Variants in NEBL observed in about 807,000 individuals in gnomAD.
NEBL encodes the protein nebulette, also known as LIM and SH3 protein 2.
NEBL carries 122 observed loss-of-function variants against 140.2 expected under a neutral mutation model. The observed-to-expected ratio is 0.87, with a 90% CI of 0.75 to 1.01. The LOEUF (loss-of-function observed/expected upper bound fraction) is 1.01, where lower values mean the gene tolerates loss of function less well. NEBL is among the 50% of genes least tolerant of loss of function. The pLI is 0.00. For missense variants in NEBL, 1,365 were observed against 1,231.3 expected (o/e 1.11, Z -1.62); for synonymous variants, 436 against 398.9 (o/e 1.09, Z -1.11).
At chr10:21,203,259 G>A (rs1463408753) in intron 3 of NEBL, among the ~76,000 whole-genome samples, 2 of 152,052 alleles carry the variant, frequency 1.3e-5, no homozygotes, top group Admixed American at 6.6e-5. Context: ...CTCCCAAGAC[G>A]TTCTCTGTAC....
At chr10:20,898,142 G>A (rs1750090344), upstream of NEBL, among the ~76,000 whole-genome samples, 2 of 151,984 alleles carry the variant, frequency 1.3e-5, no homozygotes, top group South Asian at 4.1e-4. Flanking sequence ...ATAATGTAGT[G>A]TATGTCCTTG....
intron 3 of NEBL, among the ~76,000 whole-genome samples, chr10:21,202,816 A>C (rs909519228): frequency 6.6e-6 from 1 of 152,108 alleles, no homozygotes; most frequent in Non-Finnish European, 1.5e-5. Context: ...AAAAATGGAG[A>C]CTAATTTTGC....
chr10:21,112,761 G>GA (rs1301741484), intron 2 of NEBL: 2 of 158,548 alleles, frequency 1.3e-5, no homozygotes, highest in South Asian at 1.9e-4. Context: ...AAAAGAAAAA[G>GA]AAAAAAATTG....
At chr10:21,051,918 T>A (rs544056651) in intron 2 of NEBL, among the ~76,000 whole-genome samples, 60 of 152,182 alleles carry the variant, frequency 3.9e-4, no homozygotes, top group African/African-American at 1.3e-3. Context: ...TGGCCTGTAG[T>A]CCCAGCTACT....
chr10:21,069,334 C>G (rs1368850669), intron 2 of NEBL, among the ~76,000 whole-genome samples: 1 of 152,210 alleles, frequency 6.6e-6, no homozygotes, highest in Non-Finnish European at 1.5e-5. Context: ...ATGGCAGGCA[C>G]ACAATTCTTC....
At chr10:20,983,862 C>T (rs1315666445) in intron 3 of NEBL, among the ~76,000 whole-genome samples, 1 of 152,140 alleles carries the variant, frequency 6.6e-6, no homozygotes, top group African/African-American at 2.4e-5. Flanking sequence ...CTATAATTTA[C>T]ACTTTAGTTA....
intron 7 of NEBL, among the ~76,000 whole-genome samples, chr10:20,865,791 T>C (rs894141111): frequency 1.1e-4 from 17 of 152,210 alleles, no homozygotes; most frequent in African/African-American, 3.9e-4. Context: ...CCTTGTTAAC[T>C]GTAAAACAAT....
chr10:21,160,859 A>AG (rs1840530204), intron 2 of NEBL, among the ~76,000 whole-genome samples: 3 of 106,752 alleles, frequency 2.8e-5, no homozygotes, highest in Non-Finnish European at 5.0e-5. Context: ...ACTTATTTCC[A>AG]GGGGGAAAAA....
At chr10:20,941,501 G>A (rs1834863867) in intron 4 of NEBL, among the ~76,000 whole-genome samples, 1 of 152,104 alleles carries the variant, frequency 6.6e-6, no homozygotes, top group South Asian at 2.1e-4. Context: ...AAAAGTGGAA[G>A]CATTCCCTTT....
intron 13 of NEBL, among the ~76,000 whole-genome samples, chr10:20,840,030 C>T (rs1841264090): frequency 6.6e-6 from 1 of 152,098 alleles, no homozygotes; most frequent in South Asian, 2.1e-4. Flanking sequence ...AAGACATCTC[C>T]TTTGATGCCT....
At chr10:20,941,760 GT>G (rs1589048776) in intron 4 of NEBL, among the ~76,000 whole-genome samples, 1 of 152,162 alleles carries the variant, frequency 6.6e-6, no homozygotes, top group Non-Finnish European at 1.5e-5. Context: ...CAAAATCAAT[GT>G]GCAAAAATCA....
chr10:20,846,398 G>T (rs566638217), intron 11 of NEBL, among the ~76,000 whole-genome samples: 1 of 152,256 alleles, frequency 6.6e-6, no homozygotes, highest in Non-Finnish European at 1.5e-5. Flanking sequence ...AATAAAGAAT[G>T]TCTCTAAACC....
chr10:20,992,858 A>G (rs1467898969), intron 3 of NEBL, among the ~76,000 whole-genome samples: 2 of 131,092 alleles, frequency 1.5e-5, no homozygotes, highest in African/African-American at 6.0e-5. Flanking sequence ...GCTCACTGCA[A>G]GCTCCGCCTC....
At chr10:21,278,770 G>C (rs1426338827) in intron 1 of NEBL, among the ~76,000 whole-genome samples, 2 of 152,212 alleles carry the variant, frequency 1.3e-5, no homozygotes, top group African/African-American at 4.8e-5. Flanking sequence ...GCCCAGAGAA[G>C]TTCGGTGAGA....
intron 4 of NEBL, among the ~76,000 whole-genome samples, chr10:20,960,453 C>A (rs1185397180): frequency 6.6e-6 from 1 of 152,014 alleles, no homozygotes; most frequent in East Asian, 1.9e-4. Context: ...AAATTCAACT[C>A]TTTTTCTTCA....
At chr10:21,157,013 C>A (rs139450033) in intron 2 of NEBL, among the ~76,000 whole-genome samples, 1 of 152,126 alleles carries the variant, frequency 6.6e-6, no homozygotes, top group Admixed American at 6.5e-5. Flanking sequence ...CAAGCAAGAA[C>A]AATCTATCAG....
At chr10:21,031,022 G>A (rs1486354518) in intron 2 of NEBL, among the ~76,000 whole-genome samples, 3 of 152,190 alleles carry the variant, frequency 2.0e-5, no homozygotes, top group African/African-American at 4.8e-5. Flanking sequence ...TGATGCCCAC[G>A]TGTGCCATAT....
At position 21,089,810 on chromosome 10, in the gene NEBL, G is replaced by A. The variant is rs775387099; in HGVS notation, c.165-69609C>T. On this transcript the variant is annotated intron_variant, in intron 2 of 6. Transcript: ENST00000417816. ...CTCCTCTGAATAAAAGTCCCCATTCGAGTTAAAATAAGAAACATGAAAACA... is the reference window on the plus strand; with the variant it reads ...CTCCTCTGAATAAAAGTCCCCATTCAAGTTAAAATAAGAAACATGAAAACA... Among the ~76,000 whole-genome samples, 15 of 149,900 alleles carry A rather than the reference G, an allele frequency of 1.0e-4. No homozygotes were observed. In the South Asian group the frequency reaches 2.1e-3, roughly 21 times the overall value.
chr10:20,936,063 C>T (rs927414336), intron 4 of NEBL, among the ~76,000 whole-genome samples: 2 of 152,198 alleles, frequency 1.3e-5, no homozygotes, highest in Non-Finnish European at 2.9e-5. Context: ...GCTACTTCTA[C>T]AAATTCAAAA....
Sources: gnomAD v4.1 joint callset for allele counts (sites outside exome capture counted in the v4.1 genomes callset) on GRCh38, gnomAD v4.1.1 for gene constraint, MANE v1.5 for transcripts, NCBI Gene and HGNC (gene_info 2026-07-23, HGNC 2026-07-21) for gene names.